ARHGAP22: variants seen among roughly 807,000 people sequenced by gnomAD.
The protein encoded by ARHGAP22 is Rho GTPase activating protein 22.
Under a neutral mutation model 59.1 loss-of-function variants are expected in ARHGAP22, and 48 were observed. That is an observed-to-expected ratio of 0.81 (90% confidence interval 0.64 to 1.03). The LOEUF (loss-of-function observed/expected upper bound fraction) is 1.03, where lower values mean the gene tolerates loss of function less well. ARHGAP22 is among the 50% of genes least tolerant of loss of function. The pLI, the probability that ARHGAP22 is intolerant of heterozygous loss-of-function variation, is 0.00. For missense variants in ARHGAP22, 1,015 were observed against 958.7 expected (o/e 1.06, Z -0.78); for synonymous variants, 445 against 416.4 (o/e 1.07, Z -0.84).
intron 3 of ARHGAP22, among the ~76,000 whole-genome samples, chr10:48,494,512 G>A (rs2050727640): frequency 6.6e-6 from 1 of 152,182 alleles, no homozygotes; most frequent in Admixed American, 6.5e-5. Context: ...GATGCCACCT[G>A]TTCATCTGCC....
chr10:48,461,791 G>A (rs2047157695), intron 4 of ARHGAP22, among the ~76,000 whole-genome samples: 1 of 152,214 alleles, frequency 6.6e-6, no homozygotes, highest in Admixed American at 6.5e-5. Context: ...CCTGCAGGGT[G>A]GCTTGTGGGG....
chr10:48,562,146 A>C, intron 2 of ARHGAP22, among the ~76,000 whole-genome samples: 1 of 152,004 alleles, frequency 6.6e-6, no homozygotes, highest in African/African-American at 2.4e-5. Context: ...GAATCTCTGG[A>C]ACCCGGGAGG....
Position 48,583,140 on chromosome 10 carries a change from C to T in ARHGAP22, c.47G>A (p.Ser16Asn), listed in dbSNP as rs1351789003. 5 of 1,613,990 alleles carry T rather than the reference C, an allele frequency of 3.1e-6. No homozygotes were observed. The highest frequency in any genetic ancestry group is 4.2e-6 in the Non-Finnish European group (5 of 1,179,940). ...IRQARRARSK[S>N]LVMGEQSRSP... ...CCGGCTCTGCTCCCCCATCACTAGGCTTTTGGAGCGGGCTGAAAGCCAAGG... is the reference window on the plus strand; with the variant it reads ...CCGGCTCTGCTCCCCCATCACTAGGTTTTTGGAGCGGGCTGAAAGCCAAGG... Residue 16 changes from serine (S) to asparagine (N), a missense_variant, in exon 2 of 10, where the codon AGC becomes AAC. Ser to Asn is a conservative substitution (Grantham distance 46). Transcript: ENST00000249601.
chr10:48,624,024 G>A, intron 1 of ARHGAP22: 1 of 152,288 alleles, frequency 6.6e-6, no homozygotes, highest in Non-Finnish European at 1.5e-5. Context: ...ATGCCTGCTT[G>A]GCCACTGATG....
At chr10:48,505,090 A>G (rs993969784) in intron 3 of ARHGAP22, among the ~76,000 whole-genome samples, 3 of 152,054 alleles carry the variant, frequency 2.0e-5, no homozygotes, top group African/African-American at 4.8e-5. Flanking sequence ...GTCTCGCTCT[A>G]TTGCCCAGGC....
intron 3 of ARHGAP22, among the ~76,000 whole-genome samples, chr10:48,488,199 C>G (rs987179344): frequency 6.6e-6 from 1 of 152,138 alleles, no homozygotes; most frequent in East Asian, 1.9e-4. Flanking sequence ...TCATCTCATA[C>G]GTAATAGGTT....
chr10:48,654,766 G>A (rs1565068317), upstream of ARHGAP22, among the ~76,000 whole-genome samples: 1 of 146,142 alleles, frequency 6.8e-6, no homozygotes, highest in Non-Finnish European at 1.5e-5. Flanking sequence ...CCTTGGACAT[G>A]CTGATTACTT....
chr10:48,553,563 C>T (rs1299452631), intron 3 of ARHGAP22, among the ~76,000 whole-genome samples: 5 of 152,166 alleles, frequency 3.3e-5, no homozygotes, highest in South Asian at 2.1e-4. Flanking sequence ...CTAATCTCCA[C>T]GGTCTGTTTT....
chr10:48,567,759 G>A (rs1409506479), intron 2 of ARHGAP22, among the ~76,000 whole-genome samples: 1 of 152,052 alleles, frequency 6.6e-6, no homozygotes, highest in Non-Finnish European at 1.5e-5. Flanking sequence ...CTCCCCCTGA[G>A]TCAACCTTGG....
intron 3 of ARHGAP22, among the ~76,000 whole-genome samples, chr10:48,527,250 AGGAT>A (rs1373484107): frequency 1.3e-5 from 2 of 149,520 alleles, no homozygotes; most frequent in African/African-American, 2.5e-5. Context: ...GATGGGTGGA[AGGAT>A]GGATGGATGG....
chr10:48,494,755 C>T (rs1279815254), intron 3 of ARHGAP22, among the ~76,000 whole-genome samples: 2 of 152,204 alleles, frequency 1.3e-5, no homozygotes, highest in East Asian at 3.9e-4. Flanking sequence ...AAACCCAACT[C>T]TGATGTGACT....
Position 48,617,665 on chromosome 10 carries a change from T to C in ARHGAP22, c.53-34513A>G, listed in dbSNP as rs1000137563. Among the ~76,000 whole-genome samples the C allele has an allele frequency of 3.3e-5, 5 of 151,910 alleles. No individual in the cohort carries two copies. In the South Asian group the frequency reaches 6.2e-4, roughly 19 times the overall value. On this transcript the variant is annotated intron_variant, in intron 1 of 9. Coordinates refer to the ARHGAP22 transcript ENST00000435790. ...AACAAATGAAAACAGAAGTACAACA[T>C]ATAAAAATCTTTGTGACACAGCAAA... is the stretch of plus-strand genomic sequence containing the variant.
chr10:48,531,564 A>G (rs2054847496), intron 3 of ARHGAP22, among the ~76,000 whole-genome samples: 2 of 152,256 alleles, frequency 1.3e-5, no homozygotes, highest in African/African-American at 2.4e-5. Context: ...ACAATGTGCC[A>G]GGCTAAGAGC....
intron 3 of ARHGAP22, among the ~76,000 whole-genome samples, chr10:48,552,894 C>T (rs1640834362): frequency 6.6e-6 from 1 of 152,234 alleles, no homozygotes; most frequent in South Asian, 2.1e-4. Flanking sequence ...GCCCACCCTT[C>T]TGGGGTCAGG....
intron 2 of ARHGAP22, among the ~76,000 whole-genome samples, chr10:48,578,826 C>T (rs963873197): frequency 1.3e-5 from 2 of 152,026 alleles, no homozygotes; most frequent in Admixed American, 6.6e-5. Context: ...TCTCTGTTCC[C>T]CTTTTTTCTT....
chr10:48,654,691 T>C (rs531600209), upstream of ARHGAP22, among the ~76,000 whole-genome samples: 1 of 152,142 alleles, frequency 6.6e-6, no homozygotes, highest in East Asian at 1.9e-4. Flanking sequence ...TGTTTAAGTG[T>C]GTGCTGTATG....
At chr10:48,555,143 C>T (rs778121524) in intron 3 of ARHGAP22, among the ~76,000 whole-genome samples, 49 of 152,168 alleles carry the variant, frequency 3.2e-4, no homozygotes, top group Non-Finnish European at 6.8e-4. Flanking sequence ...GTGTTTTTCC[C>T]TGGCTTTATT....
At chr10:48,581,498 G>A (rs2059120358) in intron 2 of ARHGAP22, among the ~76,000 whole-genome samples, 1 of 152,202 alleles carries the variant, frequency 6.6e-6, no homozygotes, top group Non-Finnish European at 1.5e-5. Context: ...ACTACTTAGA[G>A]TTCTCCTTTC....
chr10:48,517,276 G>GTT (rs2053378599), intron 3 of ARHGAP22, among the ~76,000 whole-genome samples: 2 of 152,158 alleles, frequency 1.3e-5, no homozygotes. Flanking sequence ...CAATACAGCT[G>GTT]TTTAAAAGAG....
Sources: gnomAD v4.1 joint callset for allele counts (sites outside exome capture counted in the v4.1 genomes callset) on GRCh38, gnomAD v4.1.1 for gene constraint, MANE v1.5 for transcripts, NCBI Gene and HGNC (gene_info 2026-07-23, HGNC 2026-07-21) for gene names.